CACNA1A: variants seen among roughly 807,000 people sequenced by gnomAD.
The protein encoded by CACNA1A is voltage-dependent P/Q-type calcium channel subunit alpha-1A.
In CACNA1A, 57 loss-of-function variants were observed where a neutral mutation model predicts 262.4. The ratio of observed to expected loss-of-function variants is 0.22; its 90% confidence interval spans 0.18 to 0.27. The LOEUF (loss-of-function observed/expected upper bound fraction) is 0.27, where lower values mean the gene tolerates loss of function less well. CACNA1A is among the 10% of genes least tolerant of loss of function. The pLI is 1.00. For synonymous variants in CACNA1A, 1,431 were observed against 1,419.3 expected, an observed-to-expected ratio of 1.01 and a Z score of -0.18; for missense variants, 2,526 against 3,562.8, an observed-to-expected ratio of 0.71 and a Z score of 7.41.
chr19:13,207,896 T>C lies in CACNA1A; in HGVS notation c.6938A>G (p.Gln2313Arg). ...CTGCTGCTGCTGCTGCTGCTGCTGC[T>C]GCGGGGGCCCCGAGCCGCCGGCCTT... ...IRKAGGSGPP[Q>R]QQQQQQQQQQ... The change falls in exon 47 of 47, where the codon CAG becomes CGG. Residue 2313 changes from glutamine (Q) to arginine (R), a missense_variant. Physicochemically the swap from Gln to Arg is conservative, Grantham distance 43. Transcript: ENST00000360228. This position sits in a 1 kb window ranked among gnomAD's most constrained non-coding sequence, Gnocchi z 5.7. The C allele has an allele frequency of 7.5e-7, 1 of 1,336,868 alleles. No individual in the cohort carries two copies. Among genetic ancestry groups the C allele is most frequent in the Non-Finnish European group, 9.6e-7 (1 of 1,043,070 alleles). The allele number at this position is 1,336,868 out of a possible 1,614,324, so 82.8% of individuals were successfully genotyped here.
intron 19 of CACNA1A, among the ~76,000 whole-genome samples, chr19:13,296,799 G>A (rs1261987240): frequency 2.0e-5 from 3 of 151,756 alleles, no homozygotes; most frequent in South Asian, 2.1e-4. Flanking sequence ...TTGCTCTGTC[G>A]CCCAGGCTGA....
rs1312916558 is a variant in CACNA1A, at chr19:13,403,333, C to T, written c.540-31554G>A. ...TATGAACTCATTTGCATGCTCAAAGCAGTTTGACCAAGTGATGAGTTTAAA... is the reference window on the plus strand; with the variant it reads ...TATGAACTCATTTGCATGCTCAAAGTAGTTTGACCAAGTGATGAGTTTAAA... On this transcript the variant is annotated intron_variant, in intron 3 of 46. Coordinates refer to ENST00000360228, the MANE Select transcript of CACNA1A (RefSeq NM_001127222.2). Among the ~76,000 whole-genome samples, 3 of 152,100 alleles carry T rather than the reference C, an allele frequency of 2.0e-5. No individual in the cohort carries two copies. The East Asian group carries it at 5.8e-4, about 29-fold the overall frequency.
chr19:13,223,363 T>C (rs1475091784), intron 38 of CACNA1A, among the ~76,000 whole-genome samples: 1 of 151,982 alleles, frequency 6.6e-6, no homozygotes, highest in Non-Finnish European at 1.5e-5. Flanking sequence ...TGGCTAAATT[T>C]TGTATTTTTA....
chr19:13,440,219 G>A (rs139539149), intron 3 of CACNA1A, among the ~76,000 whole-genome samples: 1,620 of 151,738 alleles, frequency 0.011, 23 homozygotes, highest in African/African-American at 0.036. Context: ...CTGCCTTGGC[G>A]TCCCAAAGTG....
chr19:13,309,914 C>G (rs73922374), intron 12 of CACNA1A, among the ~76,000 whole-genome samples: 1 of 152,240 alleles, frequency 6.6e-6, no homozygotes, highest in East Asian at 1.9e-4. Context: ...TCACCTCTAT[C>G]AAGTTCCAAA....
chr19:13,471,636 G>A (rs771795449), intron 1 of CACNA1A, among the ~76,000 whole-genome samples: 11 of 152,178 alleles, frequency 7.2e-5, no homozygotes, highest in Non-Finnish European at 1.3e-4. Flanking sequence ...CCAGAGAGAA[G>A]CCAGGGCATT....
In CACNA1A at chr19:13,259,685, AGAG is replaced by A. The variant is rs2056676367; in HGVS notation, c.4264_4266del (p.Leu1422del). ...CGCGCCTTCACCTCATTCTTCTCGT[AGAG>A]GAGGTATTTGCCTCTGCCACAGAGA... On this transcript the variant is annotated inframe_deletion, in exon 27 of 47. Coordinates refer to ENST00000360228, the MANE Select transcript of CACNA1A (RefSeq NM_001127222.2). 6.2e-7 allele frequency: 1 copy of A among 1,611,274 alleles called. No homozygotes were observed. The highest frequency in any genetic ancestry group is 8.5e-7 in the Non-Finnish European group (1 of 1,178,802).
At chr19:13,450,417 T>C (rs757852164) in intron 3 of CACNA1A, 1 of 152,406 alleles carries the variant, frequency 6.6e-6, no homozygotes, top group Non-Finnish European at 1.5e-5. Flanking sequence ...AAGTCTTCCC[T>C]GGCTTCCAGC....
Position 13,455,213 on chromosome 19 carries a change from G to A in CACNA1A, c.294-1C>T. ...GGCTAAAATCATATATTCAAAGGGA[G>A]TATTGGGGAATTAAGGAAAAATCTT... On this transcript the variant is annotated splice_acceptor_variant, in intron 1 of 46. Coordinates refer to ENST00000360228, the MANE Select transcript of CACNA1A (RefSeq NM_001127222.2). LOFTEE classifies it high-confidence loss of function. The A allele has an allele frequency of 6.3e-7, 1 of 1,582,368 alleles. No individual in the cohort carries two copies. The highest frequency in any genetic ancestry group is 8.7e-7 in the Non-Finnish European group (1 of 1,151,356).
Position 13,259,662 on chromosome 19 carries a change from C to A in CACNA1A, c.4290G>T (p.Ala1430=), listed in dbSNP as rs555959123. 11 of 1,610,826 alleles carry A rather than the reference C, an allele frequency of 6.8e-6. No individual in the cohort carries two copies. Among genetic ancestry groups the A allele is most frequent in the Middle Eastern group, 1.6e-4 (1 of 6,080 alleles). ...YLLYEKNEVK[A]RDREWKKYEF... is the part of the protein sequence containing the mutation. ...CATACTTCTTCCACTCCCGGTCTCG[C>A]GCCTTCACCTCATTCTTCTCGTAGA... is the stretch of plus-strand genomic sequence containing the variant. The change falls in exon 27 of 47, where the codon GCG becomes GCT. Residue 1430 remains alanine, a synonymous_variant. Coordinates refer to ENST00000360228, the MANE Select transcript of CACNA1A (RefSeq NM_001127222.2).
At chr19:13,210,824 A>T in intron 43 of CACNA1A, 172 bp from the exon 44 acceptor site, 3 of 729,212 alleles carry the variant, frequency 4.1e-6, no homozygotes, top group Non-Finnish European at 7.1e-6. Context: ...AGAAAAGTTA[A>T]AGTCCTGGCG....
chr19:13,335,735 A>G, intron 7 of CACNA1A, 71 bp downstream of exon 7: 4 of 984,368 alleles, frequency 4.1e-6, no homozygotes, highest in South Asian at 2.8e-5. Flanking sequence ...CAAAGCTTCA[A>G]TGGCCTCTAC....
intron 9 of CACNA1A, among the ~76,000 whole-genome samples, chr19:13,330,731 C>T (rs1032438117): frequency 2.6e-5 from 4 of 152,196 alleles, no homozygotes; most frequent in African/African-American, 7.2e-5. Context: ...GCTGAGACTA[C>T]AGGCATGCAC....
intron 23 of CACNA1A, among the ~76,000 whole-genome samples, chr19:13,276,483 C>T (rs934907435): frequency 6.6e-6 from 1 of 152,130 alleles, no homozygotes; most frequent in African/African-American, 2.4e-5. Flanking sequence ...AAGTAAGAGC[C>T]GAAGAGCCCT....
At chr19:13,477,456 T>C (rs1978685134) in intron 1 of CACNA1A, among the ~76,000 whole-genome samples, 1 of 152,244 alleles carries the variant, frequency 6.6e-6, no homozygotes, top group Non-Finnish European at 1.5e-5. Context: ...CCTTCAGTGT[T>C]TGCTAAACAA....
chr19:13,232,216 T>C (rs2055691560), intron 34 of CACNA1A, among the ~76,000 whole-genome samples: 1 of 151,260 alleles, frequency 6.6e-6, no homozygotes, highest in African/African-American at 2.4e-5. Context: ...TTTTTTTTTT[T>C]GACAGGGTCT....
chr19:13,496,436 G>C (rs1981545358), intron 1 of CACNA1A, among the ~76,000 whole-genome samples: 1 of 152,170 alleles, frequency 6.6e-6, no homozygotes, highest in African/African-American at 2.4e-5. Context: ...GGGGAGATTG[G>C]AGAGTCTGGC....
chr19:13,311,836 C>CAAAAACAACAAAT (rs1555761281), intron 12 of CACNA1A, among the ~76,000 whole-genome samples: 18 of 149,224 alleles, frequency 1.2e-4, no homozygotes, highest in East Asian at 7.8e-4. Context: ...GACTCCATCT[C>CAAAAACAACAAAT]AAAAACAAAA....
chr19:13,325,081 T>A, intron 10 of CACNA1A, among the ~76,000 whole-genome samples: 1 of 102,652 alleles, frequency 9.7e-6, no homozygotes, highest in Admixed American at 1.1e-4. Flanking sequence ...CTCTTCTTCT[T>A]CCCCTTCCCC....
Sources: gnomAD v4.1 joint callset for allele counts (sites outside exome capture counted in the v4.1 genomes callset) on GRCh38, gnomAD v4.1.1 for gene constraint, Gnocchi (gnomAD v3.1) non-coding constraint, MANE v1.5 for transcripts, NCBI Gene and HGNC (gene_info 2026-07-23, HGNC 2026-07-21) for gene names.